RBFOX1: variants seen among roughly 807,000 people sequenced by gnomAD.
The protein encoded by RBFOX1 is RNA binding fox-1 homolog 1, also known as RNA binding protein fox-1 homolog 1.
A neutral mutation model predicts 57.7 loss-of-function variants in RBFOX1; 8 were observed. That is an observed-to-expected ratio of 0.14 (90% CI 0.08 to 0.25). The LOEUF (loss-of-function observed/expected upper bound fraction) is 0.25, where lower values mean the gene tolerates loss of function less well. Ranked by LOEUF, RBFOX1 falls within the 10% of genes least tolerant of loss-of-function variation. The pLI, the probability that RBFOX1 is intolerant of heterozygous loss-of-function variation, is 1.00. For missense variants in RBFOX1, 611 were observed against 548.5 expected (o/e 1.11, Z -1.14); for synonymous variants, 326 against 222.4 (o/e 1.47, Z -4.15).
At chr16:5,496,086 A>G (rs1426963983) in intron 2 of RBFOX1, among the ~76,000 whole-genome samples, 1 of 152,160 alleles carries the variant, frequency 6.6e-6, no homozygotes, top group Admixed American at 6.5e-5. Flanking sequence ...ACATCGCACC[A>G]CCACACTCCA....
chr16:5,247,962 C>T (rs1227388229), intron 1 of RBFOX1, among the ~76,000 whole-genome samples: 1 of 152,178 alleles, frequency 6.6e-6, no homozygotes, highest in Admixed American at 6.5e-5. Context: ...TGTGGCTGGG[C>T]ACTGGGCTAG....
intron 1 of RBFOX1, among the ~76,000 whole-genome samples, chr16:6,102,156 GGT>G (rs375714867): frequency 6.9e-6 from 1 of 145,086 alleles, no homozygotes; most frequent in South Asian, 2.3e-4. Context: ...AATTTATTAG[GGT>G]AATCTTCCCT....
chr16:6,207,770 C>T (rs2097264810), intron 1 of RBFOX1, among the ~76,000 whole-genome samples: 1 of 152,022 alleles, frequency 6.6e-6, no homozygotes, highest in East Asian at 1.9e-4. Flanking sequence ...TAACTGTAGC[C>T]TCAAAGCCCT....
chr16:5,853,662 A>G (rs1567627050), intron 3 of RBFOX1, among the ~76,000 whole-genome samples: 1 of 152,246 alleles, frequency 6.6e-6, no homozygotes, highest in South Asian at 2.1e-4. Context: ...GTCTAGCTTA[A>G]CAGAGTTCAG....
chr16:6,493,241 C>T (rs2095675281), intron 2 of RBFOX1, among the ~76,000 whole-genome samples: 1 of 152,052 alleles, frequency 6.6e-6, no homozygotes, highest in South Asian at 2.1e-4. Context: ...TCATTGGATT[C>T]ACAGTTATGT....
chr16:7,655,596 C>A (rs767841464), intron 12 of RBFOX1, among the ~76,000 whole-genome samples: 6 of 152,090 alleles, frequency 3.9e-5, no homozygotes, highest in Admixed American at 1.3e-4. Context: ...TTTGTTATTC[C>A]CAAGATCATG....
intron 3 of RBFOX1, among the ~76,000 whole-genome samples, chr16:5,730,704 CATT>C (rs1210197988): frequency 1.3e-5 from 2 of 151,942 alleles, no homozygotes; most frequent in African/African-American, 4.8e-5. Flanking sequence ...TCATTATCAT[CATT>C]ACCAGCTTAT....
chr16:7,228,678 C>T (rs560764118), intron 4 of RBFOX1, among the ~76,000 whole-genome samples: 1 of 152,280 alleles, frequency 6.6e-6, no homozygotes, highest in South Asian at 2.1e-4. Flanking sequence ...CTGTGCCTCT[C>T]GCTTTATTCA....
intron 3 of RBFOX1, among the ~76,000 whole-genome samples, chr16:5,700,159 T>A (rs751068185): frequency 6.6e-5 from 10 of 152,218 alleles, no homozygotes; most frequent in Non-Finnish European, 1.2e-4. Context: ...AACTGAAATT[T>A]TAGTTTAATA....
At chr16:5,680,504 G>T (rs1011562455) in intron 3 of RBFOX1, among the ~76,000 whole-genome samples, 4 of 152,172 alleles carry the variant, frequency 2.6e-5, no homozygotes, top group African/African-American at 9.7e-5. Context: ...CAAGCTATTA[G>T]GTTTCTGGTT....
At chr16:5,957,511 C>T (rs1045827985) in intron 4 of RBFOX1, among the ~76,000 whole-genome samples, 3 of 152,184 alleles carry the variant, frequency 2.0e-5, no homozygotes, top group African/African-American at 4.8e-5. Context: ...AGGCATGAGT[C>T]GCCTTGCCCA....
chr16:7,192,924 A>G (rs1271317002), intron 4 of RBFOX1, among the ~76,000 whole-genome samples: 1 of 152,230 alleles, frequency 6.6e-6, no homozygotes, highest in Non-Finnish European at 1.5e-5. Flanking sequence ...AGAACAATGT[A>G]AAAAGCAGAG....
At chr16:6,711,735 C>A (rs1012912151) in intron 3 of RBFOX1, among the ~76,000 whole-genome samples, 11 of 152,190 alleles carry the variant, frequency 7.2e-5, no homozygotes, top group South Asian at 2.1e-4. Context: ...GACCGATACA[C>A]TCCTCACTGA....
intron 5 of RBFOX1, among the ~76,000 whole-genome samples, chr16:7,552,814 C>T (rs958345537): frequency 6.6e-6 from 1 of 152,114 alleles, no homozygotes; most frequent in Non-Finnish European, 1.5e-5. Context: ...TCTCGAGTAG[C>T]TGGGATTACA....
chr16:5,349,072 C>A (rs1421775727), intron 1 of RBFOX1, among the ~76,000 whole-genome samples: 1 of 152,194 alleles, frequency 6.6e-6, no homozygotes, highest in African/African-American at 2.4e-5. Flanking sequence ...ACATGCTGGT[C>A]AGCCGTTGTT....
chr16:5,630,136 C>T (rs1482628981), intron 3 of RBFOX1, among the ~76,000 whole-genome samples: 1 of 152,152 alleles, frequency 6.6e-6, no homozygotes, highest in Non-Finnish European at 1.5e-5. Flanking sequence ...ATGGTGCCTT[C>T]TGCAGGAGTA....
At chr16:6,291,538 T>C (rs759121784) in intron 1 of RBFOX1, among the ~76,000 whole-genome samples, 3 of 152,206 alleles carry the variant, frequency 2.0e-5, no homozygotes, top group African/African-American at 4.8e-5. Flanking sequence ...CATGCAAACC[T>C]GCCTCCTGTT....
intron 13 of RBFOX1, among the ~76,000 whole-genome samples, chr16:7,675,658 T>C (rs541042162): frequency 9.9e-5 from 15 of 152,218 alleles, no homozygotes; most frequent in Non-Finnish European, 1.5e-4. Flanking sequence ...CTATGTCTTA[T>C]CGTATTTAGT....
At chr16:6,248,717 T>C (rs1427339832) in intron 1 of RBFOX1, among the ~76,000 whole-genome samples, 7 of 152,168 alleles carry the variant, frequency 4.6e-5, no homozygotes, top group Non-Finnish European at 7.3e-5. Context: ...ATGGGTTTTA[T>C]AATTGGGCTT....
Sources: allele counts gnomAD v4.1 joint callset (sites outside exome capture counted in the v4.1 genomes callset), GRCh38; gene constraint gnomAD v4.1.1; transcripts MANE v1.5; gene names NCBI Gene and HGNC (gene_info 2026-07-23, HGNC 2026-07-21).